The following TTC28 variants were observed in gnomAD, a reference collection of about 807,000 sequenced individuals.
TTC28 encodes the protein tetratricopeptide repeat protein 28.
TTC28 carries 61 observed loss-of-function variants against 198.0 expected under a neutral mutation model. The ratio of observed to expected loss-of-function variants is 0.31; its 90% CI spans 0.25 to 0.38. The LOEUF (loss-of-function observed/expected upper bound fraction) is 0.38, where lower values mean the gene tolerates loss of function less well. TTC28 is among the 10% of genes least tolerant of loss of function. The probability of loss-of-function intolerance (pLI) is 1.00; values close to 1 mark genes in which losing one functional copy is unlikely to be tolerated. For synonymous variants in TTC28, 1,171 were observed against 1,297.8 expected (o/e 0.90, Z 2.10); for missense variants, 2,678 against 3,164.0 (o/e 0.85, Z 3.69).
chr22:28,038,367 C>G (rs1318500640), intron 12 of TTC28, among the ~76,000 whole-genome samples: 1 of 152,172 alleles, frequency 6.6e-6, no homozygotes, highest in Non-Finnish European at 1.5e-5. Context: ...TAATGCTACA[C>G]ATCTACAACT....
Position 27,998,413 on chromosome 22 carries a change from C to G in TTC28, c.5119+127G>C, listed in dbSNP as rs1471479217. 3 of 1,405,798 alleles carry G rather than the reference C, an allele frequency of 2.1e-6. No individual in the cohort carries two copies. In the East Asian group the frequency reaches 7.5e-5, roughly 35 times the overall value. The allele number at this position is 1,405,798 out of a possible 1,614,324, so 87.1% of individuals were successfully genotyped here. On this transcript the variant is annotated intron_variant, in intron 16 of 22. Transcript: ENST00000397906. ...AAGACTCAGCACACAGGCTCTCTCC[C>G]TGAGTCTTCTGTGGCTGGCCTTGCC...
chr22:28,182,631 G>GC (rs147634685), intron 5 of TTC28, among the ~76,000 whole-genome samples: 1,758 of 152,158 alleles, frequency 0.012, 31 homozygotes, highest in African/African-American at 0.04. Flanking sequence ...TATCATTACA[G>GC]CCCCCCTGCT....
chr22:28,026,893 C>A (rs1428482990), intron 13 of TTC28, among the ~76,000 whole-genome samples: 3 of 152,176 alleles, frequency 2.0e-5, no homozygotes, highest in African/African-American at 4.8e-5. Flanking sequence ...TGGTGGCTTA[C>A]AGAAGTCAGG....
intron 2 of TTC28, among the ~76,000 whole-genome samples, chr22:28,439,965 A>G (rs1475274638): frequency 6.6e-6 from 1 of 152,064 alleles, no homozygotes; most frequent in African/African-American, 2.4e-5. Context: ...CCTCCTGAGT[A>G]GCTGGGATTA....
At chr22:28,310,629 T>C (rs2045239271) in intron 2 of TTC28, among the ~76,000 whole-genome samples, 1 of 152,158 alleles carries the variant, frequency 6.6e-6, no homozygotes, top group Non-Finnish European at 1.5e-5. Context: ...CACAGGTACA[T>C]GTGTATAACA....
chr22:28,228,427 C>T lies in TTC28; in HGVS notation c.934-64828G>A, dbSNP rs141834523. Among the ~76,000 whole-genome samples the T allele has an allele frequency of 7.3e-3, 1,104 of 152,214 alleles. 20 individuals are homozygous for T. Among genetic ancestry groups the T allele is most frequent in the African/African-American group, 0.026 (1,059 of 41,524 alleles). On this transcript the variant is annotated intron_variant, in intron 5 of 22. Coordinates refer to ENST00000397906, the MANE Select transcript of TTC28 (RefSeq NM_001145418.2). ...TTAAAAATACATGTTTGGCCAGGTG[C>T]GGTAGCTCATGCCTGTAATCCCAGC...
intron 2 of TTC28, among the ~76,000 whole-genome samples, chr22:28,563,847 C>T (rs1277392135): frequency 1.3e-5 from 2 of 152,108 alleles, no homozygotes; most frequent in East Asian, 1.9e-4. Context: ...CATACATGTT[C>T]GTGACAGCAT....
chr22:28,002,067 G>T, intron 14 of TTC28: 1 of 159,086 alleles, frequency 6.3e-6, no homozygotes, highest in Non-Finnish European at 1.4e-5. Flanking sequence ...CTGGGCTTGG[G>T]AGGTGCCGTC....
intron 5 of TTC28, among the ~76,000 whole-genome samples, chr22:28,168,402 C>T (rs1035213775): frequency 1.9e-4 from 29 of 152,184 alleles, no homozygotes; most frequent in Admixed American, 4.6e-4. Context: ...GGAGGCATCA[C>T]GCTACCTGAC....
intron 2 of TTC28, among the ~76,000 whole-genome samples, chr22:28,337,500 CT>C (rs1267185303): frequency 1.3e-5 from 2 of 152,140 alleles, no homozygotes; most frequent in Non-Finnish European, 2.9e-5. Context: ...TCTCTAAGGA[CT>C]TGCTTTATGA....
chr22:28,042,685 A>T (rs1181989377), intron 12 of TTC28, among the ~76,000 whole-genome samples: 1 of 152,036 alleles, frequency 6.6e-6, no homozygotes, highest in Non-Finnish European at 1.5e-5. Context: ...TATGTAACAA[A>T]CCTGCACGTT....
intron 2 of TTC28, among the ~76,000 whole-genome samples, chr22:28,539,937 CTTTTTTT>C (rs34198666): frequency 1.2e-5 from 1 of 84,588 alleles, no homozygotes; most frequent in African/African-American, 4.4e-5. Flanking sequence ...CCTCAGGAAG[CTTTTTTT>C]TTTTTTTTTT....
At chr22:28,663,066 G>T (rs563888493) in intron 1 of TTC28, among the ~76,000 whole-genome samples, 46 of 152,072 alleles carry the variant, frequency 3.0e-4, no homozygotes, top group African/African-American at 1.1e-3. Context: ...GGCTAACACA[G>T]TGAAACCCCG....
intron 14 of TTC28, among the ~76,000 whole-genome samples, chr22:28,012,148 C>T (rs555210157): frequency 2.0e-5 from 3 of 152,290 alleles, no homozygotes; most frequent in Non-Finnish European, 4.4e-5. Flanking sequence ...GTAAAGAAAA[C>T]TTGGAAAAGC....
At position 27,983,307 on chromosome 22, in the gene TTC28, T is replaced by C; in HGVS notation, c.6360A>G (p.Ser2120=). ...VKMTLIPSPN[S]PFQKVGKLAS... ...CTAGTTTTCCCACCTTTTGGAAGGG[T>C]GAGTTGGGGCTGGGAATCAGAGTCA... Residue 2120 remains serine (S), a synonymous_variant, in exon 23 of 23, where the codon TCA becomes TCG. Coordinates refer to ENST00000397906, the MANE Select transcript of TTC28 (RefSeq NM_001145418.2). The C allele has an allele frequency of 6.4e-7, 1 of 1,551,788 alleles. No homozygotes were observed. Among genetic ancestry groups the C allele is most frequent in the South Asian group, 1.2e-5 (1 of 84,022 alleles).
intron 12 of TTC28, 132 bp from the exon 13 acceptor site, chr22:28,030,498 C>T: frequency 9.1e-7 from 1 of 1,104,400 alleles, no homozygotes; most frequent in Non-Finnish European, 1.3e-6. Flanking sequence ...GACAGCATCA[C>T]CCCACTCCCT....
intron 2 of TTC28, among the ~76,000 whole-genome samples, chr22:28,485,901 A>G (rs1433085102): frequency 6.6e-6 from 1 of 152,110 alleles, no homozygotes; most frequent in African/African-American, 2.4e-5. Context: ...CTCCAAAATC[A>G]TAAGTATTAT....
At chr22:27,995,937 C>T (rs939205795) in intron 17 of TTC28, among the ~76,000 whole-genome samples, 198 bp downstream of exon 17, 13 of 152,358 alleles carry the variant, frequency 8.5e-5, no homozygotes, top group African/African-American at 2.9e-4. Context: ...TTGTGCATCA[C>T]GCTTTGCTGG....
Position 28,079,222 on chromosome 22 carries a change from A to AG in TTC28, c.3932+14857dup. 1.3e-5 allele frequency among the ~76,000 whole-genome samples: 2 copies of AG among 152,326 alleles called. 1 individual carries two copies. Among genetic ancestry groups the AG allele is most frequent in the Middle Eastern group, 6.8e-3 (2 of 294 alleles). ...GCTAATGGGTTTGGAAAGCCATGAG[A>AG]GGGAGAAGGAGAAGACAGATAAGAT... On this transcript the variant is annotated intron_variant, in intron 12 of 22. Coordinates refer to ENST00000397906, the MANE Select transcript of TTC28 (RefSeq NM_001145418.2).
Sources: allele counts gnomAD v4.1 joint callset (sites outside exome capture counted in the v4.1 genomes callset), GRCh38; gene constraint gnomAD v4.1.1; transcripts MANE v1.5; gene names NCBI Gene and HGNC (gene_info 2026-07-23, HGNC 2026-07-21).